OSBPL1A: variants seen among roughly 807,000 people sequenced by gnomAD.
The protein encoded by OSBPL1A is oxysterol binding protein like 1A.
OSBPL1A carries 80 observed loss-of-function variants against 137.1 expected under a neutral mutation model. The ratio of observed to expected loss-of-function variants is 0.58; its 90% CI spans 0.49 to 0.70. The LOEUF (loss-of-function observed/expected upper bound fraction) is 0.70, where lower values mean the gene tolerates loss of function less well. OSBPL1A is among the 30% of genes least tolerant of loss of function. The pLI is 0.00. For missense variants in OSBPL1A, 970 were observed against 1,129.4 expected (o/e 0.86, Z 2.02); for synonymous variants, 365 against 389.7 (o/e 0.94, Z 0.75).
chr18:24,189,798 G>A (rs1214811429), intron 18 of OSBPL1A, among the ~76,000 whole-genome samples: 8 of 152,184 alleles, frequency 5.3e-5, no homozygotes, highest in Non-Finnish European at 8.8e-5. Context: ...CTCTGGATGG[G>A]CAGTTTGAAA....
intron 14 of OSBPL1A, among the ~76,000 whole-genome samples, chr18:24,281,747 G>C (rs1484669104): frequency 2.0e-5 from 3 of 152,116 alleles, no homozygotes; most frequent in Admixed American, 6.6e-5. Flanking sequence ...CACATAAATT[G>C]GTACAGAAAA....
intron 15 of OSBPL1A, among the ~76,000 whole-genome samples, chr18:24,277,286 T>C (rs1567995168): frequency 6.7e-6 from 1 of 148,150 alleles, no homozygotes; most frequent in East Asian, 2.0e-4. Flanking sequence ...CAAGGGCTTG[T>C]AAAAAAAAAA....
chr18:24,246,572 C>T (rs974287851), intron 15 of OSBPL1A, among the ~76,000 whole-genome samples: 5 of 152,012 alleles, frequency 3.3e-5, no homozygotes, highest in Admixed American at 2.6e-4. Flanking sequence ...GGGCGGATCA[C>T]CGGAGGCCAG....
intron 14 of OSBPL1A, among the ~76,000 whole-genome samples, chr18:24,291,225 A>T (rs1478349845): frequency 1.3e-5 from 2 of 152,228 alleles, no homozygotes; most frequent in African/African-American, 2.4e-5. Flanking sequence ...TCTGAAAAAA[A>T]TGCTTTAAAT....
At chr18:24,224,487 T>C (rs977436132) in intron 17 of OSBPL1A, among the ~76,000 whole-genome samples, 1 of 152,224 alleles carries the variant, frequency 6.6e-6, no homozygotes, top group African/African-American at 2.4e-5. Context: ...TTACGTCTCA[T>C]TAATTCGGGA....
intron 4 of OSBPL1A, among the ~76,000 whole-genome samples, chr18:24,363,773 T>C (rs1361792495): frequency 6.6e-6 from 1 of 151,512 alleles, no homozygotes; most frequent in African/African-American, 2.4e-5. Context: ...TCCCGAGCAG[T>C]TGGGACTACA....
rs1160167484 is a variant in OSBPL1A, at chr18:24,162,747, G to A, written c.*432C>T. ...TATATCTGAGAATAAACATTGTATA[G>A]GAGGAGAGTTCTAAATATGTCAAAG... On this transcript the variant is annotated 3_prime_UTR_variant, in exon 28 of 28. Coordinates refer to ENST00000319481, the MANE Select transcript of OSBPL1A (RefSeq NM_080597.4). 2 of 155,782 alleles carry A rather than the reference G, an allele frequency of 1.3e-5. No homozygotes were observed. Among genetic ancestry groups the A allele is most frequent in the African/African-American group, 4.8e-5 (2 of 41,452 alleles). The allele number at this position is 155,782 out of a possible 1,614,324, so 9.6% of individuals were successfully genotyped here. A position where few individuals can be genotyped will look rare whatever the true frequency, so the allele number is the denominator to read the frequency against.
intron 15 of OSBPL1A, among the ~76,000 whole-genome samples, chr18:24,280,191 C>A (rs2089928831): frequency 6.6e-6 from 1 of 152,058 alleles, no homozygotes; most frequent in African/African-American, 2.4e-5. Context: ...AGTGATTGCC[C>A]ACCTTAGCCT....
At chr18:24,320,897 C>T (rs978973224) in intron 7 of OSBPL1A, among the ~76,000 whole-genome samples, 11 of 151,900 alleles carry the variant, frequency 7.2e-5, no homozygotes, top group African/African-American at 2.7e-4. Context: ...GGTGTGGTGG[C>T]AGGCACCTGT....
chr18:24,358,546 T>C (rs2091573763), intron 4 of OSBPL1A: 1 of 702,042 alleles, frequency 1.4e-6, no homozygotes, highest in South Asian at 1.5e-5. Flanking sequence ...TTCAAGGCAG[T>C]CATTCTCCAT....
rs1188080049 is a variant in OSBPL1A at position 24,314,177 on chromosome 18, C to T, written c.969+72G>A. On this transcript the variant is annotated intron_variant, in intron 12 of 27. Coordinates refer to ENST00000319481, the MANE Select transcript of OSBPL1A (RefSeq NM_080597.4). ...CAAGATGTTGGATGTTACCACTGAA[C>T]CTATGTTATATTCTCCGTGTCTTTA... 5 of 961,844 alleles carry T rather than the reference C, an allele frequency of 5.2e-6. No homozygotes were observed. The Admixed American group carries it at 1.3e-4, about 25-fold the overall frequency. The allele number at this position is 961,844 out of a possible 1,614,324, so 59.6% of individuals were successfully genotyped here.
chr18:24,387,228 T>C (rs1043161825), intron 1 of OSBPL1A, among the ~76,000 whole-genome samples: 1 of 152,086 alleles, frequency 6.6e-6, no homozygotes, highest in Non-Finnish European at 1.5e-5. Context: ...CTAATTTTTG[T>C]ATTTTTTTGT....
chr18:24,353,199 A>G (rs1213893629), intron 4 of OSBPL1A, among the ~76,000 whole-genome samples: 1 of 152,218 alleles, frequency 6.6e-6, no homozygotes, highest in Non-Finnish European at 1.5e-5. Context: ...AGAATCTACA[A>G]TGAACTCAAA....
Position 24,271,943 on chromosome 18 carries a change from G to C in OSBPL1A, c.1281+8899C>G. 1 of 982,878 alleles carries C rather than the reference G, an allele frequency of 1.0e-6. No homozygotes were observed. The highest frequency in any genetic ancestry group is 1.2e-6 in the Non-Finnish European group (1 of 829,156). The allele number at this position is 982,878 out of a possible 1,614,324, so 60.9% of individuals were successfully genotyped here. Reference sequence around the variant, plus strand: ...GCTGCCCCTCCGCCGCCGCTGGCTCGGCCGCAGACCCGCCCTCCGGGGCTC... The same window carrying C: ...GCTGCCCCTCCGCCGCCGCTGGCTCCGCCGCAGACCCGCCCTCCGGGGCTC... On this transcript the variant is annotated intron_variant, in intron 15 of 27. Transcript: ENST00000319481. The surrounding 1 kb of genome is among the most constrained non-coding windows in gnomAD (Gnocchi z 4.0).
chr18:24,194,952 T>C (rs1271753331), intron 18 of OSBPL1A, among the ~76,000 whole-genome samples: 1 of 152,212 alleles, frequency 6.6e-6, no homozygotes, highest in Non-Finnish European at 1.5e-5. Flanking sequence ...CCTTGGAAAT[T>C]ACATTTAGGA....
At chr18:24,322,922 A>G (rs1440687173) in intron 7 of OSBPL1A, among the ~76,000 whole-genome samples, 1 of 152,250 alleles carries the variant, frequency 6.6e-6, no homozygotes, top group Admixed American at 6.5e-5. Flanking sequence ...AACAAAATAA[A>G]GTGAAAAACA....
intron 15 of OSBPL1A, among the ~76,000 whole-genome samples, chr18:24,261,444 T>C (rs1397573138): frequency 6.6e-6 from 1 of 152,090 alleles, no homozygotes; most frequent in African/African-American, 2.4e-5. Flanking sequence ...GCTATAAAAA[T>C]GATAGCATTT....
chr18:24,354,748 C>CAAAAAA (rs59694707), intron 4 of OSBPL1A, among the ~76,000 whole-genome samples: 112 of 77,080 alleles, frequency 1.5e-3, no homozygotes, highest in Admixed American at 2.1e-3. Context: ...CTCAATATAG[C>CAAAAAA]AAAAAAAAAA....
intron 14 of OSBPL1A, among the ~76,000 whole-genome samples, chr18:24,295,139 T>C (rs1409834644): frequency 6.6e-6 from 1 of 152,220 alleles, no homozygotes; most frequent in Non-Finnish European, 1.5e-5. Context: ...TCCTTGTGGT[T>C]TGGATTTCCA....
Sources: gnomAD v4.1 joint callset for allele counts (sites outside exome capture counted in the v4.1 genomes callset) on GRCh38, gnomAD v4.1.1 for gene constraint, Gnocchi (gnomAD v3.1) non-coding constraint, MANE v1.5 for transcripts, NCBI Gene and HGNC (gene_info 2026-07-23, HGNC 2026-07-21) for gene names.